MARCHF1: variants seen among roughly 807,000 people sequenced by gnomAD.
MARCHF1 encodes the protein E3 ubiquitin-protein ligase MARCHF1.
In MARCHF1, 40 loss-of-function variants were observed where a neutral mutation model predicts 54.2. The ratio of observed to expected loss-of-function variants is 0.74; its 90% CI spans 0.57 to 0.96. MARCHF1 has a LOEUF of 0.96. Among genes scored for constraint, MARCHF1 ranks in the 40% least tolerant of loss-of-function variants. The probability of loss-of-function intolerance (pLI) is 0.00; values close to 1 mark genes in which losing one functional copy is unlikely to be tolerated. For missense variants in MARCHF1, 586 were observed against 656.5 expected (o/e 0.89, Z 1.17); for synonymous variants, 236 against 236.3 (o/e 1.00, Z 0.01).
intron 1 of MARCHF1, among the ~76,000 whole-genome samples, chr4:164,159,384 G>A (rs1049501526): frequency 1.3e-5 from 2 of 152,032 alleles, no homozygotes; most frequent in African/African-American, 4.8e-5. Context: ...AAACGTCCAT[G>A]TTAAAAAATT....
chr4:164,017,221 G>A (rs1036554025), intron 2 of MARCHF1, among the ~76,000 whole-genome samples: 3 of 151,958 alleles, frequency 2.0e-5, no homozygotes, highest in Non-Finnish European at 4.4e-5. Flanking sequence ...CACACTTAAT[G>A]ATTAACAAAC....
chr4:163,877,520 T>C (rs770589244), intron 3 of MARCHF1, among the ~76,000 whole-genome samples: 1 of 150,592 alleles, frequency 6.6e-6, no homozygotes. Flanking sequence ...GGTCTACACT[T>C]TCTCCCTGTC....
At chr4:163,653,447 T>A (rs1716131800) in intron 5 of MARCHF1, among the ~76,000 whole-genome samples, 1 of 151,678 alleles carries the variant, frequency 6.6e-6, no homozygotes, top group African/African-American at 2.4e-5. Context: ...TTCTTAATTG[T>A]GTAGAGAATA....
In MARCHF1 at chr4:163,665,585, G is replaced by A. The variant is rs570664620; in HGVS notation, c.162+35228C>T. ...GTTCGTGTGAAGATATTGATGGAGC[G>A]TGTATAGCACTTAAGAAAATAAAAA... On this transcript the variant is annotated intron_variant, in intron 5 of 9. Coordinates refer to ENST00000514618, the MANE Select transcript of MARCHF1 (RefSeq NM_001394959.1). Among the ~76,000 whole-genome samples, 25 of 152,192 alleles carry A rather than the reference G, an allele frequency of 1.6e-4. No homozygotes were observed. The South Asian group carries it at 2.9e-3, about 18-fold the overall frequency.
intron 2 of MARCHF1, among the ~76,000 whole-genome samples, chr4:164,043,476 C>T (rs1754171967): frequency 6.6e-6 from 1 of 152,146 alleles, no homozygotes. Flanking sequence ...AGCAGGAAAA[C>T]ATGTCCTGAG....
intron 1 of MARCHF1, among the ~76,000 whole-genome samples, chr4:164,155,106 G>A (rs1486918572): frequency 6.6e-6 from 1 of 152,110 alleles, no homozygotes; most frequent in Non-Finnish European, 1.5e-5. Context: ...TGGAGCCTGG[G>A]GTTTGGGATT....
chr4:164,186,449 C>T (rs930360311), intron 1 of MARCHF1, among the ~76,000 whole-genome samples: 3 of 151,920 alleles, frequency 2.0e-5, no homozygotes, highest in Non-Finnish European at 4.4e-5. Context: ...CTTTCTACTA[C>T]TTACTTTTAT....
chr4:163,788,751 G>C (rs182500432), intron 4 of MARCHF1, among the ~76,000 whole-genome samples: 67 of 152,108 alleles, frequency 4.4e-4, no homozygotes, highest in African/African-American at 1.5e-3. Context: ...GGTGGCATCT[G>C]ACAGCTTTTT....
At position 164,157,743 on chromosome 4, in the gene MARCHF1, A is replaced by C. The variant is rs931197734; in HGVS notation, c.-322-46081T>G. Among the ~76,000 whole-genome samples the C allele has an allele frequency of 3.3e-5, 5 of 152,142 alleles. No homozygotes were observed. In the East Asian group the frequency reaches 9.6e-4, roughly 29 times the overall value. On this transcript the variant is annotated intron_variant, in intron 1 of 9. Coordinates refer to ENST00000514618, the MANE Select transcript of MARCHF1 (RefSeq NM_001394959.1). ...TTCCCATGATCATCTTCTCAAAAAG[A>C]CACCAGTATACTGGATTAGGAGCCC...
chr4:163,528,084 A>C lies in MARCHF1; in HGVS notation c.*664T>G, dbSNP rs77637967. On this transcript the variant is annotated 3_prime_UTR_variant, in exon 10 of 10. Coordinates refer to ENST00000514618, the MANE Select transcript of MARCHF1 (RefSeq NM_001394959.1). ...ATTTAACAGAGCTAATTATATCCGA[A>C]CATTTTCTGAAAATCTTTTGCGTGA... 1,131 of 152,638 alleles carry C rather than the reference A, an allele frequency of 7.4e-3. 33 individuals carry two copies. The highest frequency in any genetic ancestry group is 0.045 in the East Asian group (234 of 5,174). The allele number at this position is 152,638 out of a possible 1,614,324, so 9.5% of individuals were successfully genotyped here.
intron 1 of MARCHF1, among the ~76,000 whole-genome samples, chr4:164,140,256 T>TATATAA (rs995663689): frequency 6.6e-6 from 1 of 150,598 alleles, no homozygotes; most frequent in African/African-American, 2.4e-5. Context: ...TATATATATA[T>TATATAA]AAATGAAACT....
chr4:163,769,940 C>G (rs760146503), intron 4 of MARCHF1, among the ~76,000 whole-genome samples: 17 of 152,072 alleles, frequency 1.1e-4, no homozygotes, highest in Non-Finnish European at 2.2e-4. Context: ...GCAAGACTAA[C>G]CCCCCTTTTC....
intron 4 of MARCHF1, among the ~76,000 whole-genome samples, chr4:163,792,487 T>C (rs1747798142): frequency 6.6e-6 from 1 of 152,078 alleles, no homozygotes. Flanking sequence ...GCATTTCATA[T>C]TTAATATTCT....
intron 1 of MARCHF1, among the ~76,000 whole-genome samples, chr4:164,364,282 CGTG>C (rs1253782644): frequency 6.6e-6 from 1 of 152,008 alleles, no homozygotes; most frequent in Non-Finnish European, 1.5e-5. Context: ...TCAGTAAAAA[CGTG>C]AGTAAAGGAC....
intron 3 of MARCHF1, among the ~76,000 whole-genome samples, chr4:163,917,815 T>C (rs1021995790): frequency 6.6e-6 from 1 of 152,166 alleles, no homozygotes; most frequent in East Asian, 1.9e-4. Flanking sequence ...CTTTGTCAGA[T>C]GGATAAATTG....
intron 1 of MARCHF1, among the ~76,000 whole-genome samples, chr4:164,147,752 G>A (rs1428504100): frequency 6.8e-6 from 1 of 147,356 alleles, no homozygotes; most frequent in Non-Finnish European, 1.5e-5. Context: ...CAGCGCACCA[G>A]CATGGCACAT....
chr4:164,375,620 G>A (rs781659114), intron 1 of MARCHF1, among the ~76,000 whole-genome samples: 1 of 151,724 alleles, frequency 6.6e-6, no homozygotes, highest in Non-Finnish European at 1.5e-5. Flanking sequence ...TTTCTTTTTT[G>A]CAAATAGATG....
intron 1 of MARCHF1, among the ~76,000 whole-genome samples, chr4:164,295,022 C>CA (rs1469090581): frequency 6.6e-6 from 1 of 152,152 alleles, no homozygotes. Flanking sequence ...AGGAGAAACA[C>CA]ACACACACAC....
intron 2 of MARCHF1, among the ~76,000 whole-genome samples, chr4:164,059,307 C>CAG (rs1754563525): frequency 6.6e-6 from 1 of 152,170 alleles, no homozygotes; most frequent in South Asian, 2.1e-4. Context: ...CAGTTTGCTT[C>CAG]ACCAAGAGCG....
Sources: allele counts gnomAD v4.1 joint callset (sites outside exome capture counted in the v4.1 genomes callset), GRCh38; gene constraint gnomAD v4.1.1; transcripts MANE v1.5; gene names NCBI Gene and HGNC (gene_info 2026-07-23, HGNC 2026-07-21).